The following STS variants were observed in gnomAD, a reference collection of about 807,000 sequenced individuals.
STS encodes the protein steroid sulfatase.
In STS, 7 loss-of-function variants were observed where a neutral mutation model predicts 26.8. The observed-to-expected ratio is 0.26, with a 90% CI of 0.15 to 0.49. The LOEUF (loss-of-function observed/expected upper bound fraction) is 0.49. STS is among the 20% of genes least tolerant of loss of function. STS has a pLI of 0.98. For synonymous variants in STS, 199 were observed against 189.4 expected (o/e 1.05, Z -0.42); for missense variants, 434 against 465.6 (o/e 0.93, Z 0.63).
At position 7,180,221 on chromosome X, in the gene STS, C is replaced by G. The variant is rs1472232934; in HGVS notation, c.-133-10659C>G. Reference sequence around the variant, plus strand: ...AATACGTAATAAAATAATTATACAACTCACCATAATGTAGCTGAGCTTGTT... The same window carrying G: ...AATACGTAATAAAATAATTATACAAGTCACCATAATGTAGCTGAGCTTGTT... On this transcript the variant is annotated intron_variant, in intron 1 of 10. Transcript: ENST00000674429. Among the ~76,000 whole-genome samples, 2 of 111,390 alleles carry G rather than the reference C, an allele frequency of 1.8e-5. 1 individual carries two copies. The highest frequency in any genetic ancestry group is 7.6e-4 in the South Asian group (2 of 2,627).
intron 5 of STS, among the ~76,000 whole-genome samples, 155 bp from the exon 6 acceptor site, chrX:7,259,194 A>G (rs1181197853): frequency 1.8e-4 from 20 of 110,978 alleles, no homozygotes; most frequent in African/African-American, 5.9e-4. Flanking sequence ...GTTTGTGGGG[A>G]AAAAAAAGTG....
chrX:7,293,998 A>T (rs755686783), intron 7 of STS, among the ~76,000 whole-genome samples: 4 of 111,620 alleles, frequency 3.6e-5, no homozygotes, highest in East Asian at 2.8e-4. Context: ...GAGATGGGGT[A>T]AGGGCATTAT....
chrX:7,208,426 T>G (rs1227910923), intron 2 of STS, among the ~76,000 whole-genome samples: 1 of 112,237 alleles, frequency 8.9e-6, no homozygotes, highest in African/African-American at 3.2e-5. Context: ...TAATTTTCTT[T>G]AAATATTTTG....
At chrX:7,281,834 G>A (rs1299960498) in intron 7 of STS, among the ~76,000 whole-genome samples, 8 of 112,344 alleles carry the variant, frequency 7.1e-5, no homozygotes, top group African/African-American at 2.6e-4. Context: ...TAAAATGATT[G>A]TGAAAGTATG....
At chrX:7,347,161 A>G (rs1441825769) in intron 10 of STS, among the ~76,000 whole-genome samples, 2 of 111,792 alleles carry the variant, frequency 1.8e-5, no homozygotes, top group Non-Finnish European at 3.8e-5. Context: ...TGTGCTATTT[A>G]TCTTTGAAAT....
At chrX:7,260,676 C>T (rs1342786941) in intron 6 of STS, among the ~76,000 whole-genome samples, 1 of 112,060 alleles carries the variant, frequency 8.9e-6, no homozygotes, top group African/African-American at 3.2e-5. Context: ...TCCCAAAGTG[C>T]TGGGATTACA....
At chrX:7,156,801 A>T (rs1569177227) in intron 1 of STS, among the ~76,000 whole-genome samples, 1 of 111,956 alleles carries the variant, frequency 8.9e-6, no homozygotes, top group Non-Finnish European at 1.9e-5. Context: ...ACTATTCATG[A>T]TTTTTTGTGT....
At chrX:7,324,600 G>C (rs935649878) in intron 8 of STS, among the ~76,000 whole-genome samples, 4 of 111,371 alleles carry the variant, frequency 3.6e-5, no homozygotes, top group African/African-American at 1.3e-4. Context: ...GCTACAAACA[G>C]TCTGTTTTGT....
At chrX:7,231,913 G>A (rs767684799) in intron 2 of STS, among the ~76,000 whole-genome samples, 10 of 104,594 alleles carry the variant, frequency 9.6e-5, no homozygotes, top group Non-Finnish European at 1.9e-4. Context: ...GCAGATAGTC[G>A]CCACTCACCC....
intron 1 of STS, among the ~76,000 whole-genome samples, chrX:7,174,120 C>T (rs1213087968): frequency 9.0e-6 from 1 of 111,505 alleles, no homozygotes; most frequent in African/African-American, 3.3e-5. Context: ...CATAAAGCAT[C>T]CAACAGAGAA....
chrX:7,272,712 C>A (rs1368357910), intron 6 of STS, among the ~76,000 whole-genome samples: 2 of 111,859 alleles, frequency 1.8e-5, no homozygotes, highest in Non-Finnish European at 3.8e-5. Flanking sequence ...TGAATTCATG[C>A]CACCTGCCAA....
intron 1 of STS, among the ~76,000 whole-genome samples, chrX:7,178,267 T>G (rs1251307302): frequency 8.9e-6 from 1 of 112,426 alleles, no homozygotes; most frequent in Non-Finnish European, 1.9e-5. Context: ...AGTTTTGCCC[T>G]TTCCCTTGAT....
At chrX:7,270,370 G>A (rs1162902780) in intron 6 of STS, among the ~76,000 whole-genome samples, 35 of 111,692 alleles carry the variant, frequency 3.1e-4, no homozygotes, top group Non-Finnish European at 3.8e-5. Context: ...GTCTCTCAAA[G>A]GATATCACAA....
chrX:7,338,120 T>C (rs1054459269), intron 10 of STS, among the ~76,000 whole-genome samples: 1 of 112,198 alleles, frequency 8.9e-6, no homozygotes, highest in African/African-American at 3.2e-5. Flanking sequence ...TAACTTTTCT[T>C]GCACTAAAAT....
chrX:7,270,319 C>T (rs752802180), intron 6 of STS, among the ~76,000 whole-genome samples: 1 of 111,950 alleles, frequency 8.9e-6, no homozygotes. Flanking sequence ...AAACCCAGAT[C>T]TCCTTCCTGA....
intron 8 of STS, among the ~76,000 whole-genome samples, chrX:7,320,012 ATT>A (rs1926917234): frequency 1.2e-5 from 1 of 85,963 alleles, no homozygotes; most frequent in South Asian, 4.5e-4. Context: ...TTATATATAT[ATT>A]TATATATATT....
chrX:7,263,370 C>T (rs1419091399), intron 6 of STS, among the ~76,000 whole-genome samples: 4 of 112,856 alleles, frequency 3.5e-5, no homozygotes, highest in Non-Finnish European at 7.5e-5. Context: ...CGCCCGGCCA[C>T]GTTTGTATCT....
intron 2 of STS, among the ~76,000 whole-genome samples, chrX:7,207,225 G>A (rs1312907650): frequency 2.7e-5 from 3 of 111,893 alleles, no homozygotes; most frequent in Non-Finnish European, 5.6e-5. Flanking sequence ...CTCATGCAAA[G>A]GAAACACATT....
intron 1 of STS, among the ~76,000 whole-genome samples, chrX:7,159,888 A>G (rs1428900817): frequency 8.9e-6 from 1 of 111,885 alleles, no homozygotes; most frequent in African/African-American, 3.3e-5. Flanking sequence ...ATGCTCCAAT[A>G]TAACTGCCCA....
Sources: allele counts gnomAD v4.1 joint callset (sites outside exome capture counted in the v4.1 genomes callset), GRCh38; gene constraint gnomAD v4.1.1; transcripts MANE v1.5; gene names NCBI Gene and HGNC (gene_info 2026-07-23, HGNC 2026-07-21).